The following SIPA1L2 variants were observed in gnomAD, a reference collection of about 807,000 sequenced individuals.
SIPA1L2 encodes signal-induced proliferation-associated 1-like protein 2.
SIPA1L2 carries 56 observed loss-of-function variants against 163.9 expected under a neutral mutation model. That is an observed-to-expected ratio of 0.34 (90% CI 0.28 to 0.43). The LOEUF is 0.43. SIPA1L2 is among the 20% of genes least tolerant of loss of function. The pLI is 1.00. For missense variants in SIPA1L2, 1,974 were observed against 2,193.5 expected (o/e 0.90, Z 2.00); for synonymous variants, 877 against 865.7 (o/e 1.01, Z -0.23).
intron 7 of SIPA1L2, among the ~76,000 whole-genome samples, chr1:232,475,477 T>A (rs768564898): frequency 1.6e-4 from 25 of 152,242 alleles, no homozygotes; most frequent in Non-Finnish European, 3.4e-4. Flanking sequence ...CCTTGATTTT[T>A]AAGAGGCGTA....
intron 2 of SIPA1L2, among the ~76,000 whole-genome samples, chr1:232,555,605 G>A (rs1048504608): frequency 2.0e-5 from 3 of 152,294 alleles, no homozygotes; most frequent in African/African-American, 4.8e-5. Context: ...AGCCTCAACA[G>A]CCAAATGTAA....
At chr1:232,628,300 T>G (rs1389145136) in intron 1 of SIPA1L2, among the ~76,000 whole-genome samples, 1 of 152,236 alleles carries the variant, frequency 6.6e-6, no homozygotes, top group African/African-American at 2.4e-5. Context: ...TAACTGCATC[T>G]CTTCCCAAAA....
chr1:232,461,347 C>T lies in SIPA1L2; in HGVS notation c.2821-186G>A, dbSNP rs973453659. On this transcript the variant is annotated intron_variant, in intron 9 of 22. Transcript: ENST00000674635. Reference sequence around the variant, plus strand: ...GACAAGGACACATTTAAGTTCAGAGCTGATCACAATTAACATTTGCATCAA... The same window carrying T: ...GACAAGGACACATTTAAGTTCAGAGTTGATCACAATTAACATTTGCATCAA... Among the ~76,000 whole-genome samples the T allele has an allele frequency of 5.3e-5, 8 of 152,202 alleles. No homozygotes were observed. The South Asian group carries it at 8.3e-4, about 16-fold the overall frequency.
chr1:232,561,449 C>G (rs1399588412), intron 2 of SIPA1L2: 1 of 152,168 alleles, frequency 6.6e-6, no homozygotes, highest in Non-Finnish European at 1.5e-5. Flanking sequence ...AAACTACAAA[C>G]TGGATCCCAT....
intron 18 of SIPA1L2, among the ~76,000 whole-genome samples, chr1:232,424,802 T>A (rs1392099972): frequency 6.6e-6 from 1 of 152,178 alleles, no homozygotes. Context: ...TTCGAATTGG[T>A]TCTAAAGATA....
In SIPA1L2 at chr1:232,445,821, C is replaced by T. The variant is rs749076115; in HGVS notation, c.3096-35G>A. 5.0e-6 allele frequency: 8 copies of T among 1,595,674 alleles called. No homozygotes were observed. In the Admixed American group the frequency reaches 1.2e-4, roughly 24 times the overall value. ...CAAGAAGAAATGGTGAGAAGGGAAG[C>T]TCTCAGCTGAGCTGTCAGCATGGCT... On this transcript the variant is annotated intron_variant, in intron 10 of 22. Transcript: ENST00000674635.
At chr1:232,405,409 T>G (rs1194683399) in intron 19 of SIPA1L2, among the ~76,000 whole-genome samples, 2 of 152,258 alleles carry the variant, frequency 1.3e-5, no homozygotes, top group African/African-American at 4.8e-5. Context: ...AATTTGGTAC[T>G]GCATAGTAGG....
chr1:232,436,298 T>G (rs1662558716), intron 15 of SIPA1L2, among the ~76,000 whole-genome samples: 1 of 152,090 alleles, frequency 6.6e-6, no homozygotes, highest in African/African-American at 2.4e-5. Flanking sequence ...ACACGAATGC[T>G]CCAGTGAGGA....
At chr1:232,594,506 T>C (rs576650996) in intron 1 of SIPA1L2, among the ~76,000 whole-genome samples, 2 of 152,246 alleles carry the variant, frequency 1.3e-5, no homozygotes, top group Admixed American at 6.5e-5. Context: ...CATCGCTCTG[T>C]CTGGAGTAGC....
intron 2 of SIPA1L2, among the ~76,000 whole-genome samples, chr1:232,528,256 CAAGA>C (rs1032915886): frequency 4.2e-4 from 64 of 151,928 alleles, no homozygotes; most frequent in African/African-American, 1.5e-3. Context: ...TCCGAAGAGA[CAAGA>C]AAGAGACACT....
intron 1 of SIPA1L2, among the ~76,000 whole-genome samples, chr1:232,588,264 A>G (rs892876841): frequency 3.3e-5 from 5 of 152,194 alleles, no homozygotes; most frequent in Non-Finnish European, 7.3e-5. Flanking sequence ...ATATATAAAC[A>G]ATGGTTATTC....
chr1:232,401,771 A>G (rs998381356), intron 22 of SIPA1L2, among the ~76,000 whole-genome samples: 18 of 152,164 alleles, frequency 1.2e-4, no homozygotes, highest in Admixed American at 8.5e-4. Flanking sequence ...TCCCTTCTTC[A>G]TAAGCCAAAC....
intron 2 of SIPA1L2, among the ~76,000 whole-genome samples, chr1:232,540,321 C>A (rs902013891): frequency 6.6e-6 from 1 of 152,032 alleles, no homozygotes; most frequent in African/African-American, 2.4e-5. Context: ...ACAGCAACAA[C>A]AAAAAAACTT....
chr1:232,564,996 C>T (rs146278296), intron 2 of SIPA1L2, among the ~76,000 whole-genome samples: 416 of 152,244 alleles, frequency 2.7e-3, no homozygotes, highest in African/African-American at 8.4e-3. Context: ...TAGCAAACCA[C>T]CATGGCACAT....
intron 2 of SIPA1L2, among the ~76,000 whole-genome samples, chr1:232,556,642 C>T (rs563772183): frequency 2.0e-5 from 3 of 151,780 alleles, no homozygotes; most frequent in South Asian, 4.2e-4. Context: ...TATGTGTCTT[C>T]GGGAGCTGTT....
chr1:232,548,969 A>G lies in SIPA1L2; in HGVS notation c.-270+25205T>C, dbSNP rs138891719. On this transcript the variant is annotated intron_variant, in intron 2 of 22. Coordinates refer to ENST00000674635, the MANE Select transcript of SIPA1L2 (RefSeq NM_020808.5). ...GGAGCAGAAGCTTCTGGAAAGCCCA[A>G]GGGGCTGGTGTATAGCCAGAGGCTT... Among the ~76,000 whole-genome samples, 257 of 152,352 alleles carry G rather than the reference A, an allele frequency of 1.7e-3. 1 individual carries two copies. Among genetic ancestry groups the G allele is most frequent in the African/African-American group, 6.0e-3 (248 of 41,586 alleles).
intron 12 of SIPA1L2, 94 bp from the exon 13 acceptor site, chr1:232,441,962 G>C (rs1662926626): frequency 9.9e-7 from 1 of 1,014,062 alleles, no homozygotes; most frequent in East Asian, 2.7e-5. Flanking sequence ...GGCTATGCGA[G>C]GGAAAGCCCT....
intron 2 of SIPA1L2, among the ~76,000 whole-genome samples, chr1:232,520,649 T>C (rs904059762): frequency 8.5e-5 from 13 of 152,284 alleles, no homozygotes; most frequent in Middle Eastern, 3.4e-3. Flanking sequence ...TAAAATTATA[T>C]AGCAGATTTA....
intron 11 of SIPA1L2, among the ~76,000 whole-genome samples, chr1:232,444,453 G>A (rs771759321): frequency 7.2e-5 from 11 of 152,156 alleles, no homozygotes; most frequent in Middle Eastern, 3.4e-3. Context: ...AAACTTAGCC[G>A]ACTTTTGAGT....
Sources: allele counts gnomAD v4.1 joint callset (sites outside exome capture counted in the v4.1 genomes callset), GRCh38; gene constraint gnomAD v4.1.1; transcripts MANE v1.5; gene names NCBI Gene and HGNC (gene_info 2026-07-23, HGNC 2026-07-21).